Variants in TSPAN11 observed in about 807,000 individuals in gnomAD.
TSPAN11 encodes tetraspanin 11, also known as tetraspanin-11.
TSPAN11 carries 29 observed loss-of-function variants against 32.9 expected under a neutral mutation model. The ratio of observed to expected loss-of-function variants is 0.88; its 90% CI spans 0.66 to 1.20. The LOEUF (loss-of-function observed/expected upper bound fraction) is 1.20, where lower values mean the gene tolerates loss of function less well. Among genes scored for constraint, TSPAN11 ranks in the 50% most tolerant of loss-of-function variants. TSPAN11 has a pLI of 0.00. For missense variants in TSPAN11, 283 were observed against 329.1 expected (o/e 0.86, Z 1.08); for synonymous variants, 140 against 141.3 (o/e 0.99, Z 0.07).
intron 2 of TSPAN11, 58 bp from the exon 3 acceptor site, chr12:30,963,768 G>A (rs1322296588): frequency 2.4e-5 from 38 of 1,563,096 alleles, no homozygotes; most frequent in East Asian, 6.7e-5. Flanking sequence ...GGCACTGAAC[G>A]GATAGCAGCT....
At chr12:31,008,804 G>A in the TSPAN11 span, among the ~76,000 whole-genome samples, 2 of 152,234 alleles carry the variant, frequency 1.3e-5, no homozygotes, top group Non-Finnish European at 2.9e-5. Flanking sequence ...CAACACAGAA[G>A]GGGCCAATGC....
At chr12:30,951,262 C>T (rs548018698) in intron 1 of TSPAN11, among the ~76,000 whole-genome samples, 1 of 152,302 alleles carries the variant, frequency 6.6e-6, no homozygotes, top group East Asian at 1.9e-4. Context: ...AGCAGTGAAT[C>T]CTGGCTATAC....
chr12:30,958,771 TGGGGCA>T (rs912247726), intron 2 of TSPAN11, among the ~76,000 whole-genome samples: 5 of 152,190 alleles, frequency 3.3e-5, no homozygotes, highest in East Asian at 3.9e-4. Flanking sequence ...CAAGTGATCC[TGGGGCA>T]GGGGCAGGGG....
chr12:30,947,261 G>T (rs79241898), intron 1 of TSPAN11, among the ~76,000 whole-genome samples: 2,330 of 152,312 alleles, frequency 0.015, 58 homozygotes, highest in African/African-American at 0.053. Flanking sequence ...CAGCCAGGAG[G>T]AGGGCTGGAA....
intron 3 of TSPAN11, chr12:30,978,265 A>G: frequency 2.6e-6 from 1 of 387,048 alleles, no homozygotes; most frequent in East Asian, 4.1e-5. Flanking sequence ...CCCACCATCA[A>G]TAACTTTGAG....
intron 3 of TSPAN11, among the ~76,000 whole-genome samples, chr12:30,973,700 A>G (rs941136591): frequency 1.3e-5 from 2 of 152,202 alleles, no homozygotes; most frequent in African/African-American, 4.8e-5. Flanking sequence ...AGCTAGGAAA[A>G]GCAGGACACC....
chr12:30,953,236 C>T (rs956396098), intron 1 of TSPAN11, among the ~76,000 whole-genome samples: 5 of 152,330 alleles, frequency 3.3e-5, no homozygotes, highest in African/African-American at 1.2e-4. Flanking sequence ...AAACACTTCA[C>T]ATAGATTATT....
At chr12:30,964,446 C>T (rs1401908875) in intron 3 of TSPAN11, among the ~76,000 whole-genome samples, 1 of 151,958 alleles carries the variant, frequency 6.6e-6, no homozygotes, top group Non-Finnish European at 1.5e-5. Context: ...CCTCCTCTTC[C>T]TCTTCCTCTT....
rs747485121 is a variant in TSPAN11, at chr12:30,979,680, G to A, written c.456+10G>A. The A allele has an allele frequency of 6.2e-7, 1 of 1,613,742 alleles. No individual in the cohort carries two copies. Among genetic ancestry groups the A allele is most frequent in the Non-Finnish European group, 8.5e-7 (1 of 1,179,666 alleles). On this transcript the variant is annotated intron_variant, in intron 5 of 7. Coordinates refer to ENST00000546076, the MANE Select transcript of TSPAN11 (RefSeq NM_001370302.1). ...CCGACTCCAGCAGGATGTAAGCCAT[G>A]CCCCATATGGCCTTGAAGGCCAAGC... is the stretch of plus-strand genomic sequence containing the variant.
chr12:30,982,507 C>T (rs752290063), intron 5 of TSPAN11, 25 bp from the exon 6 acceptor site: 128 of 1,591,804 alleles, frequency 8.0e-5, no homozygotes, highest in Non-Finnish European at 1.1e-4. Flanking sequence ...TCACCTCCAG[C>T]CTCTGCCTCT....
intron 3 of TSPAN11, among the ~76,000 whole-genome samples, chr12:30,972,051 T>G (rs1938862865): frequency 6.6e-6 from 1 of 152,218 alleles, no homozygotes; most frequent in African/African-American, 2.4e-5. Flanking sequence ...GCTTGGCATA[T>G]TTTGAAATGG....
rs1259985197 is a variant in TSPAN11, at chr12:30,978,654, T to C, written c.351+19T>C. ...CCAGAGGGTAAGTGACGTTTCCTCC[T>C]CCTGCATCCTCTGTCAGTGTCCTGA... On this transcript the variant is annotated intron_variant, in intron 4 of 7. Coordinates refer to ENST00000546076, the MANE Select transcript of TSPAN11 (RefSeq NM_001370302.1). 6.2e-7 allele frequency: 1 copy of C among 1,612,334 alleles called. No individual in the cohort carries two copies. The highest frequency in any genetic ancestry group is 2.2e-5 in the East Asian group (1 of 44,896).
chr12:30,968,992 G>T (rs943063894), intron 3 of TSPAN11, among the ~76,000 whole-genome samples: 2 of 152,186 alleles, frequency 1.3e-5, no homozygotes, highest in Non-Finnish European at 2.9e-5. Context: ...GATGTGTGAG[G>T]ATAACGAAGA....
chr12:30,966,622 G>A (rs998280928), intron 3 of TSPAN11, among the ~76,000 whole-genome samples: 47 of 152,206 alleles, frequency 3.1e-4, no homozygotes, highest in Non-Finnish European at 1.6e-4. Flanking sequence ...CTAAGAGTCT[G>A]CTTCCCTGGG....
At chr12:30,927,027 A>G (rs1047612254) in intron 1 of TSPAN11, 19 of 1,284,654 alleles carry the variant, frequency 1.5e-5, no homozygotes, top group Non-Finnish European at 1.8e-5. Flanking sequence ...TGCATGGGAC[A>G]CGCAACACGG....
chr12:30,978,806 C>T (rs1283094392), intron 4 of TSPAN11, 171 bp downstream of exon 4: 1 of 630,574 alleles, frequency 1.6e-6, no homozygotes, highest in African/African-American at 1.8e-5. Flanking sequence ...GGTCCTGGCT[C>T]CAGCAATTCT....
At chr12:30,983,018 T>A in intron 6 of TSPAN11, 46 bp from the exon 7 acceptor site, 1 of 1,580,628 alleles carries the variant, frequency 6.3e-7, no homozygotes, top group Non-Finnish European at 8.6e-7. Context: ...TCCCCACCCA[T>A]GCCTGCTCCT....
Position 30,992,126 on chromosome 12 carries a change from C to A in TSPAN11, c.*211C>A, listed in dbSNP as rs1282292902. ...CGGCCCCCTCTCCTCCATTTCTGAGCCCCCATGGCCAGATCCTGGGCAGGG... is the reference window on the plus strand; with the variant it reads ...CGGCCCCCTCTCCTCCATTTCTGAGACCCCATGGCCAGATCCTGGGCAGGG... On this transcript the variant is annotated 3_prime_UTR_variant, in exon 8 of 8. Transcript: ENST00000546076. The A allele has an allele frequency of 8.2e-6, 5 of 610,838 alleles. No homozygotes were observed. Among genetic ancestry groups the A allele is most frequent in the Admixed American group, 2.7e-5 (1 of 36,746 alleles). 37.8% of individuals were successfully genotyped at this position (610,838 alleles called of 1,614,324 possible).
At chr12:30,948,992 G>T (rs1354339587) in intron 1 of TSPAN11, among the ~76,000 whole-genome samples, 2 of 152,110 alleles carry the variant, frequency 1.3e-5, no homozygotes, top group Non-Finnish European at 2.9e-5. Flanking sequence ...CAAGTTCAAG[G>T]TTTCACAAAT....
Sources: allele counts gnomAD v4.1 joint callset (sites outside exome capture counted in the v4.1 genomes callset), GRCh38; gene constraint gnomAD v4.1.1; transcripts MANE v1.5; gene names NCBI Gene and HGNC (gene_info 2026-07-23, HGNC 2026-07-21).